The following CDC14A variants were observed in gnomAD, a reference collection of about 807,000 sequenced individuals.
The protein encoded by CDC14A is dual specificity protein phosphatase CDC14A.
In CDC14A, 53 loss-of-function variants were observed where a neutral mutation model predicts 74.4. The observed-to-expected ratio is 0.71, with a 90% CI of 0.57 to 0.89. The LOEUF is 0.89. Ranked by LOEUF, CDC14A falls within the 40% of genes least tolerant of loss-of-function variation. The pLI, the probability that CDC14A is intolerant of heterozygous loss-of-function variation, is 0.00. For synonymous variants in CDC14A, 247 were observed against 258.4 expected, an observed-to-expected ratio of 0.96 and a Z score of 0.43; for missense variants, 646 against 713.7, an observed-to-expected ratio of 0.91 and a Z score of 1.08.
At chr1:100,438,701 C>T (rs998961978) in intron 5 of CDC14A, among the ~76,000 whole-genome samples, 3 of 152,158 alleles carry the variant, frequency 2.0e-5, no homozygotes, top group South Asian at 2.1e-4. Flanking sequence ...TTGCTAACTT[C>T]CTAGTTTTAT....
chr1:100,424,480 TAA>T (rs1304216222), intron 5 of CDC14A, among the ~76,000 whole-genome samples, 179 bp downstream of exon 5: 11 of 152,220 alleles, frequency 7.2e-5, no homozygotes, highest in African/African-American at 2.7e-4. Context: ...CTAGCAAGAA[TAA>T]AAGAGCTTTC....
chr1:100,420,403 T>G (rs906193805), intron 4 of CDC14A, among the ~76,000 whole-genome samples: 2 of 151,924 alleles, frequency 1.3e-5, no homozygotes, highest in African/African-American at 4.8e-5. Context: ...ATTTAATGAC[T>G]GCAGGATTTA....
At chr1:100,490,085 A>G (rs1670464039) in intron 11 of CDC14A, among the ~76,000 whole-genome samples, 1 of 152,236 alleles carries the variant, frequency 6.6e-6, no homozygotes, top group African/African-American at 2.4e-5. Context: ...CTACCAACTC[A>G]TGAGATTGAT....
chr1:100,504,431 T>C (rs867117461), intron 15 of CDC14A, among the ~76,000 whole-genome samples: 1 of 152,302 alleles, frequency 6.6e-6, no homozygotes, highest in South Asian at 2.1e-4. Context: ...AATTCTTACT[T>C]TAAAGTAGGG....
intron 10 of CDC14A, among the ~76,000 whole-genome samples, chr1:100,474,371 T>C (rs1668682984): frequency 6.6e-6 from 1 of 152,196 alleles, no homozygotes; most frequent in Non-Finnish European, 1.5e-5. Flanking sequence ...GGAATTGTTC[T>C]TCTCTGTTTC....
intron 10 of CDC14A, among the ~76,000 whole-genome samples, chr1:100,480,660 T>C (rs1032660820): frequency 2.6e-5 from 4 of 152,164 alleles, no homozygotes; most frequent in Non-Finnish European, 5.9e-5. Flanking sequence ...CATGAATGGT[T>C]TTTGTTTATT....
At chr1:100,488,198 C>T (rs938790162) in intron 11 of CDC14A, among the ~76,000 whole-genome samples, 22 of 152,120 alleles carry the variant, frequency 1.4e-4, no homozygotes, top group Non-Finnish European at 1.6e-4. Flanking sequence ...AATATTAAAT[C>T]AGGATCTTAG....
chr1:100,459,112 CACACACACACACACAGAG>C (rs1557781952), intron 8 of CDC14A, among the ~76,000 whole-genome samples: 1 of 147,788 alleles, frequency 6.8e-6, no homozygotes, highest in Non-Finnish European at 1.5e-5. Flanking sequence ...CACACACACA[CACACACACACACACAGAG>C]AGAGAGAGAG....
chr1:100,428,044 A>G (rs1350742624), intron 5 of CDC14A, among the ~76,000 whole-genome samples: 1 of 152,212 alleles, frequency 6.6e-6, no homozygotes, highest in Non-Finnish European at 1.5e-5. Context: ...TATGTTAGGT[A>G]GTATATATAA....
At chr1:100,479,339 A>G (rs1669226162) in intron 10 of CDC14A, among the ~76,000 whole-genome samples, 1 of 152,212 alleles carries the variant, frequency 6.6e-6, no homozygotes, top group African/African-American at 2.4e-5. Flanking sequence ...GATGAATTGT[A>G]TAGCATGAAC....
chr1:100,357,261 A>G (rs1345764017), intron 2 of CDC14A, among the ~76,000 whole-genome samples: 2 of 152,220 alleles, frequency 1.3e-5, no homozygotes, highest in African/African-American at 4.8e-5. Flanking sequence ...CTGGGAAGAT[A>G]GAGAAGGTCT....
intron 10 of CDC14A, among the ~76,000 whole-genome samples, chr1:100,471,467 TCTCTACACAGAAAACCGAAGAA>T (rs2101279410): frequency 6.6e-6 from 1 of 152,198 alleles, no homozygotes; most frequent in East Asian, 1.9e-4. Flanking sequence ...ATGTGCAATA[TCTCTACACAGAAAACCGAAGAA>T]TTTTTTTTAT....
intron 4 of CDC14A, among the ~76,000 whole-genome samples, chr1:100,410,464 G>A (rs1350031342): frequency 6.6e-6 from 1 of 151,970 alleles, no homozygotes; most frequent in African/African-American, 2.4e-5. Flanking sequence ...TGGATTACAG[G>A]TGTATGCCAC....
At chr1:100,494,706 CTT>C (rs1647514787) in intron 11 of CDC14A, 110 bp from the exon 12 acceptor site, 1 of 567,536 alleles carries the variant, frequency 1.8e-6, no homozygotes, top group South Asian at 2.5e-5. Flanking sequence ...CCTTTAGTGA[CTT>C]AATCTATATT....
intron 9 of CDC14A, 91 bp downstream of exon 9, chr1:100,462,972 T>A: frequency 1.1e-6 from 1 of 892,620 alleles, no homozygotes; most frequent in Non-Finnish European, 1.7e-6. Context: ...CTGTTTAGTG[T>A]CTTAGAAAAA....
intron 9 of CDC14A, among the ~76,000 whole-genome samples, chr1:100,464,781 C>T (rs559545513): frequency 6.6e-6 from 1 of 152,210 alleles, no homozygotes; most frequent in South Asian, 2.1e-4. Flanking sequence ...GTATTTCTCA[C>T]CTGAGAGACC....
intron 15 of CDC14A, chr1:100,504,923 G>A (rs1018699709): frequency 2.0e-6 from 3 of 1,531,366 alleles, no homozygotes; most frequent in Non-Finnish European, 2.6e-6. Context: ...CATGTCTTCT[G>A]TGAAGCTCTC....
At chr1:100,456,432 C>CCT in intron 8 of CDC14A, among the ~76,000 whole-genome samples, 1 of 143,264 alleles carries the variant, frequency 7.0e-6, no homozygotes, top group Non-Finnish European at 1.5e-5. Flanking sequence ...AAAATATCCC[C>CCT]CCCCCTTTTT....
At position 100,452,856 on chromosome 1, in the gene CDC14A, G is replaced by A. The variant is rs553837715; in HGVS notation, c.520-2549G>A. On this transcript the variant is annotated intron_variant, in intron 7 of 15. Transcript: ENST00000336454. ...TGGAAAGTACCTTAAGTTCCTGTCTGATCTAGATTTCTTTGAAGTGTATGT... is the reference window on the plus strand; with the variant it reads ...TGGAAAGTACCTTAAGTTCCTGTCTAATCTAGATTTCTTTGAAGTGTATGT... Among the ~76,000 whole-genome samples, 114 of 152,192 alleles carry A rather than the reference G, an allele frequency of 7.5e-4. 1 individual carries two copies. The highest frequency in any genetic ancestry group is 2.5e-3 in the African/African-American group (103 of 41,534).
Sources: allele counts gnomAD v4.1 joint callset (sites outside exome capture counted in the v4.1 genomes callset), GRCh38; gene constraint gnomAD v4.1.1; transcripts MANE v1.5; gene names NCBI Gene and HGNC (gene_info 2026-07-23, HGNC 2026-07-21).